KCNIP4: variants seen among roughly 807,000 people sequenced by gnomAD.
The protein encoded by KCNIP4 is potassium voltage-gated channel interacting protein 4, also known as Kv channel-interacting protein 4.
A neutral mutation model predicts 34.0 loss-of-function variants in KCNIP4; 12 were observed. The ratio of observed to expected loss-of-function variants is 0.35; its 90% CI spans 0.23 to 0.57. The LOEUF (loss-of-function observed/expected upper bound fraction) is 0.57. Among genes scored for constraint, KCNIP4 ranks in the 20% least tolerant of loss-of-function variants. The pLI is 0.83. For synonymous variants in KCNIP4, 124 were observed against 102.2 expected (o/e 1.21, Z -1.29); for missense variants, 238 against 311.7 (o/e 0.76, Z 1.78).
At chr4:21,040,148 C>A (rs1741829684) in intron 1 of KCNIP4, among the ~76,000 whole-genome samples, 1 of 152,178 alleles carries the variant, frequency 6.6e-6, no homozygotes, top group Non-Finnish European at 1.5e-5. Flanking sequence ...CCAGGTCTCT[C>A]CCTGGACATA....
chr4:21,104,233 C>T (rs1748261016), intron 1 of KCNIP4, among the ~76,000 whole-genome samples: 3 of 151,922 alleles, frequency 2.0e-5, no homozygotes, highest in South Asian at 2.1e-4. Flanking sequence ...GTTCCTATTT[C>T]TCCACATCCT....
At chr4:21,942,614 A>G (rs1006440957) in intron 1 of KCNIP4, among the ~76,000 whole-genome samples, 1 of 152,260 alleles carries the variant, frequency 6.6e-6, no homozygotes, top group Non-Finnish European at 1.5e-5. Context: ...ATGGAAAGAC[A>G]TGGAGCCAAA....
At chr4:21,552,368 G>T (rs1738655160) in intron 1 of KCNIP4, among the ~76,000 whole-genome samples, 1 of 152,120 alleles carries the variant, frequency 6.6e-6, no homozygotes, top group Admixed American at 6.6e-5. Context: ...TGCAAACAAT[G>T]ATAGTAATGA....
chr4:21,867,834 C>T (rs1011153573), intron 1 of KCNIP4, among the ~76,000 whole-genome samples: 3 of 152,182 alleles, frequency 2.0e-5, no homozygotes, highest in Non-Finnish European at 4.4e-5. Flanking sequence ...GTTTTCATCA[C>T]AGTGAGCCAA....
chr4:21,700,045 T>TTCTTTTGGGACATGG (rs1227887944), intron 1 of KCNIP4, among the ~76,000 whole-genome samples: 2 of 152,122 alleles, frequency 1.3e-5, no homozygotes, highest in Non-Finnish European at 2.9e-5. Flanking sequence ...GAATTAAGAA[T>TTCTTTTGGGACATGG]GAATTAGTTT....
intron 1 of KCNIP4, among the ~76,000 whole-genome samples, chr4:21,385,658 T>C (rs9884243): frequency 0.048 from 7,331 of 152,214 alleles, 455 homozygotes; most frequent in African/African-American, 0.13. Context: ...TAAGGAATAG[T>C]AAATTTTGTT....
intron 2 of KCNIP4, among the ~76,000 whole-genome samples, chr4:20,862,085 G>T (rs1427339842): frequency 1.3e-5 from 2 of 151,572 alleles, no homozygotes; most frequent in African/African-American, 4.8e-5. Context: ...CCACCTCCTG[G>T]GTTCAAGCAA....
At chr4:21,118,801 A>G (rs1749903361) in intron 1 of KCNIP4, among the ~76,000 whole-genome samples, 1 of 151,550 alleles carries the variant, frequency 6.6e-6, no homozygotes, top group African/African-American at 2.4e-5. Flanking sequence ...GCAGAATGAC[A>G]GAAAGAGGGA....
intron 1 of KCNIP4, among the ~76,000 whole-genome samples, chr4:21,808,340 T>C (rs1721425388): frequency 6.6e-6 from 1 of 152,226 alleles, no homozygotes; most frequent in South Asian, 2.1e-4. Flanking sequence ...TCTTCTCTTC[T>C]TCCTCCTCCT....
chr4:21,716,156 A>G (rs1310469186), intron 1 of KCNIP4, among the ~76,000 whole-genome samples: 2 of 145,442 alleles, frequency 1.4e-5, no homozygotes, highest in Non-Finnish European at 2.9e-5. Flanking sequence ...TTTGATGGTC[A>G]GACAGTTGTC....
At chr4:21,689,064 G>A (rs1751040352) in intron 1 of KCNIP4, among the ~76,000 whole-genome samples, 1 of 151,886 alleles carries the variant, frequency 6.6e-6, no homozygotes, top group South Asian at 2.1e-4. Context: ...AGGTTGACAG[G>A]GCAACTGGGA....
intron 3 of KCNIP4, among the ~76,000 whole-genome samples, chr4:20,832,231 G>A (rs1330883299): frequency 2.6e-5 from 4 of 151,672 alleles, no homozygotes; most frequent in East Asian, 1.9e-4. Flanking sequence ...TAGATTTTAC[G>A]GTCTCTTTAT....
intron 1 of KCNIP4, among the ~76,000 whole-genome samples, chr4:21,206,037 C>G (rs1472059994): frequency 6.6e-6 from 1 of 152,210 alleles, no homozygotes; most frequent in Non-Finnish European, 1.5e-5. Context: ...TACCACTGAC[C>G]TGCACTTTGG....
chr4:20,866,123 T>G (rs1722853535), intron 2 of KCNIP4, among the ~76,000 whole-genome samples: 2 of 151,878 alleles, frequency 1.3e-5, no homozygotes, highest in Admixed American at 1.3e-4. Flanking sequence ...TTCCAAAATA[T>G]CAAGGAGGAG....
At chr4:21,064,917 G>T (rs1341603900) in intron 1 of KCNIP4, among the ~76,000 whole-genome samples, 1 of 152,160 alleles carries the variant, frequency 6.6e-6, no homozygotes, top group Non-Finnish European at 1.5e-5. Context: ...CAAAACATGG[G>T]TCAGCTTCTT....
intron 1 of KCNIP4, among the ~76,000 whole-genome samples, chr4:21,810,931 G>A (rs1245694990): frequency 6.6e-6 from 1 of 152,172 alleles, no homozygotes; most frequent in Non-Finnish European, 1.5e-5. Flanking sequence ...ATGGGGAAGG[G>A]AAATACAGGT....
intron 1 of KCNIP4, among the ~76,000 whole-genome samples, chr4:21,265,328 G>A (rs978667078): frequency 1.3e-5 from 2 of 152,092 alleles, no homozygotes; most frequent in African/African-American, 4.8e-5. Context: ...TGCTTAAAAG[G>A]AATTAGGACA....
intron 1 of KCNIP4, among the ~76,000 whole-genome samples, chr4:21,711,530 C>A (rs1455849961): frequency 6.6e-6 from 1 of 151,948 alleles, no homozygotes; most frequent in Non-Finnish European, 1.5e-5. Context: ...TGGAAGTTAT[C>A]ACAATATAGT....
chr4:21,184,580 G>T (rs1755076616), intron 1 of KCNIP4, among the ~76,000 whole-genome samples: 1 of 152,180 alleles, frequency 6.6e-6, no homozygotes, highest in Non-Finnish European at 1.5e-5. Flanking sequence ...TGGTATTAAT[G>T]AGGCCAAGGT....
Sources: gnomAD v4.1 joint callset for allele counts (sites outside exome capture counted in the v4.1 genomes callset) on GRCh38, gnomAD v4.1.1 for gene constraint, MANE v1.5 for transcripts, NCBI Gene and HGNC (gene_info 2026-07-23, HGNC 2026-07-21) for gene names.